PHKB: variants seen among roughly 807,000 people sequenced by gnomAD.
The protein encoded by PHKB is phosphorylase kinase regulatory subunit beta, also known as phosphorylase b kinase regulatory subunit beta.
A neutral mutation model predicts 152.1 loss-of-function variants in PHKB; 122 were observed. That is an observed-to-expected ratio of 0.80 (90% confidence interval 0.69 to 0.93). PHKB has a LOEUF of 0.93. PHKB is among the 40% of genes least tolerant of loss of function. The pLI, the probability that PHKB is intolerant of heterozygous loss-of-function variation, is 0.00. For missense variants in PHKB, 1,304 were observed against 1,328.4 expected (o/e 0.98, Z 0.29); for synonymous variants, 436 against 464.9 (o/e 0.94, Z 0.80).
chr16:47,543,766 A>C (rs555535872), intron 6 of PHKB, among the ~76,000 whole-genome samples: 18 of 152,242 alleles, frequency 1.2e-4, no homozygotes, highest in Admixed American at 1.0e-3. Flanking sequence ...AATTTCTTCT[A>C]GATTTTCTAC....
intron 7 of PHKB, among the ~76,000 whole-genome samples, chr16:47,558,264 G>A (rs1971415305): frequency 6.6e-6 from 1 of 150,930 alleles, no homozygotes; most frequent in Non-Finnish European, 1.5e-5. Context: ...GATAGCATTA[G>A]GAGATATATC....
At chr16:47,600,915 A>C (rs1972212250) in intron 13 of PHKB, among the ~76,000 whole-genome samples, 1 of 152,222 alleles carries the variant, frequency 6.6e-6, no homozygotes, top group South Asian at 2.1e-4. Flanking sequence ...AGGCTGAGGC[A>C]GGCAGATGGC....
At chr16:47,655,868 C>T (rs1399083981) in intron 20 of PHKB, among the ~76,000 whole-genome samples, 2 of 152,184 alleles carry the variant, frequency 1.3e-5, no homozygotes, top group Admixed American at 6.5e-5. Flanking sequence ...ACTTTTTATA[C>T]TCAAGCACCT....
In PHKB at chr16:47,617,012, G is replaced by T. The variant is rs995573393; in HGVS notation, c.1458+6092G>T. ...TAGTTTTCTGCCCTGGGTGGGCCAG[G>T]TGTTCCTTGCCCTCATTCTGGTAAA... On this transcript the variant is annotated intron_variant, in intron 14 of 30. Coordinates refer to ENST00000323584, the MANE Select transcript of PHKB (RefSeq NM_000293.3). 3.3e-5 allele frequency among the ~76,000 whole-genome samples: 5 copies of T among 151,914 alleles called. No individual in the cohort carries two copies. In the East Asian group the frequency reaches 9.7e-4, roughly 29 times the overall value.
chr16:47,660,597 G>C, intron 21 of PHKB, 30 bp downstream of exon 21: 1 of 1,612,014 alleles, frequency 6.2e-7, no homozygotes, highest in Non-Finnish European at 8.5e-7. Context: ...TTCATTTTTG[G>C]GTTTTTTGAA....
At chr16:47,512,617 A>C (rs538447548) in intron 5 of PHKB, among the ~76,000 whole-genome samples, 1 of 152,160 alleles carries the variant, frequency 6.6e-6, no homozygotes, top group Non-Finnish European at 1.5e-5. Context: ...GTCTTATATA[A>C]TATATTAAAT....
At chr16:47,687,902 A>T (rs1973992748) in intron 26 of PHKB, among the ~76,000 whole-genome samples, 1 of 152,098 alleles carries the variant, frequency 6.6e-6, no homozygotes, top group Non-Finnish European at 1.5e-5. Flanking sequence ...AAGGCTTAGC[A>T]TTTTTTCTTA....
At chr16:47,461,619 G>T (rs1038178879) in intron 1 of PHKB, among the ~76,000 whole-genome samples, 193 bp downstream of exon 1, 1 of 152,226 alleles carries the variant, frequency 6.6e-6, no homozygotes, top group South Asian at 2.1e-4. Flanking sequence ...GGCAGAGCCA[G>T]CTCCACTCTG....
chr16:47,692,258 C>G (rs1246568395), intron 27 of PHKB, among the ~76,000 whole-genome samples: 1 of 152,152 alleles, frequency 6.6e-6, no homozygotes, highest in African/African-American at 2.4e-5. Context: ...TTGGTCATGA[C>G]ATATTTCCCT....
intron 26 of PHKB, among the ~76,000 whole-genome samples, chr16:47,685,668 AT>A (rs1307689110): frequency 6.6e-6 from 1 of 151,880 alleles, no homozygotes; most frequent in African/African-American, 2.4e-5. Context: ...TGCTGTTTTT[AT>A]TTGAAGAATT....
chr16:47,699,063 T>C, intron 30 of PHKB, 166 bp from the exon 31 acceptor site: 2 of 667,534 alleles, frequency 3.0e-6, no homozygotes. Flanking sequence ...TCTGTCTTTG[T>C]TTTATATACA....
intron 20 of PHKB, among the ~76,000 whole-genome samples, chr16:47,655,163 A>G (rs1385302410): frequency 2.0e-5 from 3 of 152,154 alleles, no homozygotes; most frequent in Non-Finnish European, 4.4e-5. Context: ...CCCAGTATAC[A>G]CACAGGAACT....
At chr16:47,617,179 C>T (rs1972534089) in intron 14 of PHKB, among the ~76,000 whole-genome samples, 2 of 146,812 alleles carry the variant, frequency 1.4e-5, no homozygotes, top group Non-Finnish European at 3.0e-5. Context: ...TATAAATATA[C>T]ATTATATATA....
At chr16:47,462,155 A>G (rs1418771111) in intron 1 of PHKB, 1 of 152,260 alleles carries the variant, frequency 6.6e-6, no homozygotes, top group Admixed American at 6.5e-5. Flanking sequence ...AACTTCCTGT[A>G]TTCCTGGTTG....
intron 8 of PHKB, 56 bp downstream of exon 8, chr16:47,580,414 T>A (rs1226918233): frequency 7.9e-7 from 1 of 1,260,324 alleles, no homozygotes; most frequent in African/African-American, 1.5e-5. Context: ...TTTAATTAAT[T>A]TGGCTATTCA....
At chr16:47,506,908 C>T (rs933197852) in intron 4 of PHKB, among the ~76,000 whole-genome samples, 5 of 152,172 alleles carry the variant, frequency 3.3e-5, no homozygotes, top group Admixed American at 2.6e-4. Flanking sequence ...TCATGCTCTG[C>T]TGGTTGACAA....
intron 11 of PHKB, 143 bp from the exon 12 acceptor site, chr16:47,593,994 A>T (rs1972075831): frequency 1.6e-6 from 1 of 609,372 alleles, no homozygotes; most frequent in Admixed American, 3.0e-5. Context: ...ACAGATTTGC[A>T]TTTTTTTTCC....
chr16:47,599,245 T>A (rs891713356), intron 13 of PHKB, among the ~76,000 whole-genome samples: 10 of 152,206 alleles, frequency 6.6e-5, no homozygotes, highest in African/African-American at 2.4e-5. Context: ...CAAATGAGCA[T>A]GAGGAATTTT....
chr16:47,639,634 A>G (rs1313569221), intron 14 of PHKB, among the ~76,000 whole-genome samples: 2 of 152,234 alleles, frequency 1.3e-5, no homozygotes, highest in African/African-American at 2.4e-5. Context: ...AGTGGAAACA[A>G]TATCCTAAAC....
Sources: allele counts gnomAD v4.1 joint callset (sites outside exome capture counted in the v4.1 genomes callset), GRCh38; gene constraint gnomAD v4.1.1; transcripts MANE v1.5; gene names NCBI Gene and HGNC (gene_info 2026-07-23, HGNC 2026-07-21).